Variants in ANK2 observed in about 807,000 individuals in gnomAD.
The protein encoded by ANK2 is ankyrin 2, also known as ankyrin-2.
ANK2 carries 83 observed loss-of-function variants against 360.5 expected under a neutral mutation model. The observed-to-expected ratio is 0.23, with a 90% confidence interval of 0.19 to 0.28. ANK2 has a LOEUF of 0.28. ANK2 is among the 10% of genes least tolerant of loss of function. The probability of loss-of-function intolerance (pLI) is 1.00; values close to 1 mark genes in which losing one functional copy is unlikely to be tolerated. For synonymous variants in ANK2, 1,740 were observed against 1,759.5 expected (o/e 0.99, Z 0.28); for missense variants, 4,201 against 4,795.7 (o/e 0.88, Z 3.66).
At chr4:112,731,017 C>T in the ANK2 span, among the ~76,000 whole-genome samples, 1 of 151,972 alleles carries the variant, frequency 6.6e-6, no homozygotes, top group African/African-American at 2.4e-5. Flanking sequence ...TGGCCCGTGC[C>T]TGTGGACCCA....
intron 9 of ANK2, among the ~76,000 whole-genome samples, chr4:113,243,720 T>G (rs362502): frequency 0.65 from 98,547 of 152,074 alleles, 32,595 homozygotes; most frequent in South Asian, 0.77. Context: ...TTTAAAGGAA[T>G]GAGTTTTGCA....
rs751252941 is a variant in ANK2 at position 113,356,904 on chromosome 4, A to G, written c.8286A>G (p.Leu2762=). The G allele has an allele frequency of 4.0e-5, 65 of 1,613,974 alleles. No individual in the cohort carries two copies. Among genetic ancestry groups the G allele is most frequent in the Non-Finnish European group, 5.1e-5 (60 of 1,179,984 alleles). Residue 2762 remains leucine, a synonymous_variant, in exon 38 of 46, where the codon CTA becomes CTG. Coordinates refer to ENST00000357077, the MANE Select transcript of ANK2 (RefSeq NM_001148.6). The part of the protein sequence containing the change: ...TEAEDRSYDK[L]NRDTDQPKIC... ...CTGAAGACAGGTCTTATGATAAGCT[A>G]AACAGAGACACTGATCAGCCAAAAA...
rs1480689138 is a variant in ANK2 at position 113,354,356 on chromosome 4, G to A, written c.5738G>A (p.Arg1913His). Residue 1913 changes from arginine to histidine, a missense_variant, in exon 38 of 46, where the codon CGT (arginine) becomes CAT (histidine). This residue lies in a region of ANK2 where 2,642 missense variants were observed against 2,714.5 expected (regional missense o/e 0.97). Transcript: ENST00000357077. ...PVSPSGKTDK[R>H]PPVSPSGRTE... is the part of the protein sequence containing the mutation. ...TCGCCTTCAGGCAAAACAGACAAAC[G>A]TCCACCTGTATCGCCCTCCGGGAGG... 1.2e-5 allele frequency: 19 copies of A among 1,613,798 alleles called. No individual in the cohort carries two copies. The highest frequency in any genetic ancestry group is 3.3e-5 in the South Asian group (3 of 91,070).
chr4:113,182,880 G>A (rs2098445055), intron 2 of ANK2, among the ~76,000 whole-genome samples: 1 of 152,140 alleles, frequency 6.6e-6, no homozygotes, highest in Non-Finnish European at 1.5e-5. Flanking sequence ...AATCAAGAAG[G>A]CTTTCTTTGT....
Position 112,914,315 on chromosome 4 carries a change from C to A in ANK2, c.21+9801C>A, listed in dbSNP as rs144225074. ...ATAGGGTAAAATTAGGTGTGCATAT[C>A]GTATCTAAAGTGAACTAAAATCTGG... On this transcript the variant is annotated intron_variant, in intron 2 of 30. Transcript: ENST00000503271. Among the ~76,000 whole-genome samples, 3 of 152,282 alleles carry A rather than the reference C, an allele frequency of 2.0e-5. No individual in the cohort carries two copies. In the East Asian group the frequency reaches 5.8e-4, roughly 29 times the overall value.
At chr4:112,943,284 T>G (rs934028003) in intron 2 of ANK2, among the ~76,000 whole-genome samples, 2 of 152,196 alleles carry the variant, frequency 1.3e-5, no homozygotes, top group Admixed American at 6.5e-5. Context: ...CTGTGAGAAC[T>G]CTCTTGTAAT....
chr4:113,363,753 T>C (rs1285276137), intron 40 of ANK2, among the ~76,000 whole-genome samples: 1 of 152,168 alleles, frequency 6.6e-6, no homozygotes. Flanking sequence ...ATCCCAAAGA[T>C]GTGCACATCA....
At position 113,381,464 on chromosome 4, in the gene ANK2, A is replaced by G. The variant is rs1279414151; in HGVS notation, c.11867A>G (p.Asn3956Ser). The G allele has an allele frequency of 2.5e-6, 4 of 1,614,048 alleles. No individual in the cohort carries two copies. The highest frequency in any genetic ancestry group is 2.2e-5 in the East Asian group (1 of 44,878). Residue 3956 changes from asparagine (N) to serine (S), a missense_variant, in exon 46 of 46, where the codon AAT becomes AGT. By Grantham distance (46) the Asn-to-Ser change is conservative. Transcript: ENST00000357077. ...KSDTEQSEDN[N>S]E ...TTGTCTGCTTTTCTCCAGGACAACA[A>G]TGAGTAAAGCCATCACACAGAAGAG...
At position 113,200,124 on chromosome 4, in the gene ANK2, G is replaced by C. The variant is rs994032852; in HGVS notation, c.384+1015G>C. 2.6e-5 allele frequency among the ~76,000 whole-genome samples: 4 copies of C among 152,084 alleles called. No individual in the cohort carries two copies. The East Asian group carries it at 7.7e-4, about 29-fold the overall frequency. On this transcript the variant is annotated intron_variant, in intron 4 of 45. Coordinates refer to ENST00000357077, the MANE Select transcript of ANK2 (RefSeq NM_001148.6). ...TTGTAATATCATGCTATTTTAATTAGTCATGTTTTTTTCCTTACAACTCAA... is the reference window on the plus strand; with the variant it reads ...TTGTAATATCATGCTATTTTAATTACTCATGTTTTTTTCCTTACAACTCAA...
rs1008303985 is a variant in ANK2, at chr4:113,298,002, T to C, written c.2475+4464T>C. Among the ~76,000 whole-genome samples the C allele has an allele frequency of 9.9e-5, 15 of 152,068 alleles. 1 individual carries two copies. The highest frequency in any genetic ancestry group is 3.4e-4 in the African/African-American group (14 of 41,388). On this transcript the variant is annotated intron_variant, in intron 22 of 45. Transcript: ENST00000357077. ...GGTTTTGCCACGTTGTCCAGGCTCG[T>C]CTCAAACGATCCACCTGCCTTGGCC...
intron 1 of ANK2, among the ~76,000 whole-genome samples, chr4:113,150,677 C>T (rs150330420): frequency 2.6e-4 from 39 of 152,258 alleles, no homozygotes; most frequent in African/African-American, 9.1e-4. Flanking sequence ...GACAACTCAG[C>T]CTCAGAGGGT....
At chr4:112,758,316 A>T in the ANK2 span, among the ~76,000 whole-genome samples, 1 of 152,144 alleles carries the variant, frequency 6.6e-6, no homozygotes, top group Admixed American at 6.5e-5. Context: ...TATTCATTTA[A>T]TTTTTATTAA....
At chr4:113,299,505 G>A (rs2073786329) in intron 22 of ANK2, among the ~76,000 whole-genome samples, 1 of 152,026 alleles carries the variant, frequency 6.6e-6, no homozygotes, top group South Asian at 2.1e-4. Context: ...AAGTGTTCGA[G>A]ACCAGCCAGG....
chr4:113,146,202 T>C (rs1045525750), intron 1 of ANK2, among the ~76,000 whole-genome samples: 1 of 152,198 alleles, frequency 6.6e-6, no homozygotes, highest in Admixed American at 6.5e-5. Context: ...CATGTTTGTT[T>C]TTTCTCGGTT....
intron 2 of ANK2, among the ~76,000 whole-genome samples, chr4:113,043,150 C>T (rs942059740): frequency 3.9e-5 from 6 of 151,940 alleles, no homozygotes; most frequent in Non-Finnish European, 8.8e-5. Context: ...AAAAGGATCT[C>T]AAGGAGGGAG....
rs1446344057 is a variant in ANK2, at chr4:113,080,379, A to G, written c.84+30567A>G. ...CAAGGAAGAGATTTGTGTGTGACTTATTGAAGGGGAATTGGTTTTGTTTCT... is the reference window on the plus strand; with the variant it reads ...CAAGGAAGAGATTTGTGTGTGACTTGTTGAAGGGGAATTGGTTTTGTTTCT... On this transcript the variant is annotated intron_variant, in intron 1 of 45. Transcript: ENST00000357077. Among the ~76,000 whole-genome samples the G allele has an allele frequency of 2.0e-5, 3 of 152,164 alleles. No homozygotes were observed. The East Asian group carries it at 5.8e-4, about 29-fold the overall frequency.
At chr4:112,947,663 T>G (rs1211061239) in intron 2 of ANK2, among the ~76,000 whole-genome samples, 2 of 152,224 alleles carry the variant, frequency 1.3e-5, no homozygotes, top group East Asian at 3.8e-4. Flanking sequence ...GCCAGGTGTT[T>G]CACTAATAGC....
At chr4:113,097,321 T>A (rs1243359995) in intron 1 of ANK2, among the ~76,000 whole-genome samples, 4 of 152,012 alleles carry the variant, frequency 2.6e-5, no homozygotes, top group African/African-American at 9.7e-5. Context: ...TAGAACTCAT[T>A]CAGATTGGTT....
Position 112,984,608 on chromosome 4 carries a change from C to T in ANK2, c.21+80094C>T, listed in dbSNP as rs544537004. 1.9e-4 allele frequency among the ~76,000 whole-genome samples: 29 copies of T among 152,172 alleles called. No homozygotes were observed. The South Asian group carries it at 2.5e-3, about 13-fold the overall frequency. ...ATCATATCAGTCAGTATATAAGAAG[C>T]GGGGTAGAGATCTGAGCCATAATTC... is the stretch of plus-strand genomic sequence containing the variant. On this transcript the variant is annotated intron_variant, in intron 2 of 30. Transcript: ENST00000503271.
Sources: allele counts gnomAD v4.1 joint callset (sites outside exome capture counted in the v4.1 genomes callset), GRCh38; gene constraint gnomAD v4.1.1; regional missense constraint gnomAD v4.1.1; transcripts MANE v1.5; gene names NCBI Gene and HGNC (gene_info 2026-07-23, HGNC 2026-07-21).